The following SMOC2 variants were observed in gnomAD, a reference collection of about 807,000 sequenced individuals.
The protein encoded by SMOC2 is SPARC-related modular calcium-binding protein 2.
SMOC2 carries 39 observed loss-of-function variants against 61.4 expected under a neutral mutation model. That is an observed-to-expected ratio of 0.64 (90% CI 0.49 to 0.83). The LOEUF (loss-of-function observed/expected upper bound fraction) is 0.83, where lower values mean the gene tolerates loss of function less well. Ranked by LOEUF, SMOC2 falls within the 40% of genes least tolerant of loss-of-function variation. SMOC2 has a pLI of 0.00. For missense variants in SMOC2, 556 were observed against 592.9 expected, an observed-to-expected ratio of 0.94 and a Z score of 0.65; for synonymous variants, 247 against 239.9, an observed-to-expected ratio of 1.03 and a Z score of -0.27.
chr6:168,568,226 G>A (rs1411475720), intron 7 of SMOC2, among the ~76,000 whole-genome samples: 1 of 152,204 alleles, frequency 6.6e-6, no homozygotes, highest in Non-Finnish European at 1.5e-5. Context: ...GTGTGAGTCG[G>A]TGTCTCATAT....
chr6:168,601,797 A>G (rs1482529641), intron 8 of SMOC2, among the ~76,000 whole-genome samples: 1 of 152,178 alleles, frequency 6.6e-6, no homozygotes, highest in African/African-American at 2.4e-5. Flanking sequence ...GCCAACGTCC[A>G]CTATTGTGAT....
At chr6:168,664,514 GA>G (rs1787607666) in intron 12 of SMOC2, 1 of 389,242 alleles carries the variant, frequency 2.6e-6, no homozygotes, top group South Asian at 1.9e-5. Context: ...GTACCCGGCT[GA>G]ATTTTTTCAA....
intron 4 of SMOC2, among the ~76,000 whole-genome samples, chr6:168,538,833 G>A (rs538024161): frequency 5.6e-4 from 85 of 151,956 alleles, no homozygotes; most frequent in African/African-American, 2.0e-3. Context: ...GAATCTGGGG[G>A]AGTGGGGTGA....
intron 10 of SMOC2, among the ~76,000 whole-genome samples, chr6:168,652,021 A>G (rs1021151559): frequency 6.7e-6 from 1 of 149,728 alleles, no homozygotes; most frequent in Non-Finnish European, 1.5e-5. Flanking sequence ...AGCCAGGACA[A>G]CAAGAGCAAA....
intron 1 of SMOC2, among the ~76,000 whole-genome samples, chr6:168,507,628 C>T (rs992461119): frequency 1.3e-5 from 2 of 152,222 alleles, no homozygotes; most frequent in South Asian, 2.1e-4. Context: ...TCAGTCAATG[C>T]GTGTTGGTGA....
chr6:168,523,545 G>A lies in SMOC2; in HGVS notation c.257-2801G>A, dbSNP rs544573293. Reference sequence around the variant, plus strand: ...TGGGAACACAGGCGCCTGCCACCATGCCTGGCTAATTTTTTTTTTTATTAT... The same window carrying A: ...TGGGAACACAGGCGCCTGCCACCATACCTGGCTAATTTTTTTTTTTATTAT... On this transcript the variant is annotated intron_variant, in intron 2 of 12. Transcript: ENST00000356284. Among the ~76,000 whole-genome samples the A allele has an allele frequency of 9.2e-5, 11 of 119,278 alleles. No homozygotes were observed. The East Asian group carries it at 2.8e-3, about 30-fold the overall frequency. The allele number at this position is 119,278 out of a possible 152,430, so 78.3% of individuals were successfully genotyped here. A position where few individuals can be genotyped will look rare whatever the true frequency, so the allele number is the denominator to read the frequency against.
intron 10 of SMOC2, 112 bp downstream of exon 10, chr6:168,650,895 T>A: frequency 1.0e-6 from 1 of 957,638 alleles, no homozygotes; most frequent in Non-Finnish European, 1.5e-6. Flanking sequence ...TTGGACACAG[T>A]AGGGCCTTAA....
intron 9 of SMOC2, among the ~76,000 whole-genome samples, chr6:168,632,306 G>A (rs1046906309): frequency 6.6e-6 from 1 of 152,158 alleles, no homozygotes; most frequent in Non-Finnish European, 1.5e-5. Context: ...TATAGAACAA[G>A]TCATCAGAAC....
chr6:168,584,254 G>T (rs139168798), intron 7 of SMOC2, among the ~76,000 whole-genome samples: 2 of 152,156 alleles, frequency 1.3e-5, no homozygotes, highest in Non-Finnish European at 2.9e-5. Flanking sequence ...CTCCTCCTGC[G>T]GACTAGACTC....
chr6:168,560,270 C>T (rs1784370013), intron 7 of SMOC2, among the ~76,000 whole-genome samples: 1 of 152,160 alleles, frequency 6.6e-6, no homozygotes, highest in Non-Finnish European at 1.5e-5. Context: ...CAGAATACGT[C>T]ACGTCAGGCT....
chr6:168,576,431 C>G (rs1314341604), intron 7 of SMOC2, among the ~76,000 whole-genome samples: 1 of 152,116 alleles, frequency 6.6e-6, no homozygotes. Flanking sequence ...CATCGCAGAT[C>G]ACCTAGGCTC....
chr6:168,446,038 T>A (rs911427119), intron 1 of SMOC2, among the ~76,000 whole-genome samples: 1 of 152,146 alleles, frequency 6.6e-6, no homozygotes, highest in Non-Finnish European at 1.5e-5. Context: ...GGTTTGGAGG[T>A]CAAGGGTAAC....
chr6:168,555,576 C>T (rs746385742), intron 7 of SMOC2, among the ~76,000 whole-genome samples: 7 of 152,170 alleles, frequency 4.6e-5, no homozygotes, highest in Non-Finnish European at 8.8e-5. Context: ...ATGGCGTCCA[C>T]GGCCGCATGT....
rs561161879 is a variant in SMOC2, at chr6:168,551,487, T to C, written c.637+2284T>C. ...TATTTATTTTGAGAGAAAGTCTTGC[T>C]CTGTCACCCAGGCTGGCGAGCAGCA... On this transcript the variant is annotated intron_variant, in intron 7 of 12. Coordinates refer to ENST00000356284, the MANE Select transcript of SMOC2 (RefSeq NM_001166412.2). Among the ~76,000 whole-genome samples, 78 of 152,094 alleles carry C rather than the reference T, an allele frequency of 5.1e-4. No individual in the cohort carries two copies. In the South Asian group the frequency reaches 0.016, roughly 32 times the overall value.
chr6:168,605,935 T>C (rs1183254051), intron 8 of SMOC2, among the ~76,000 whole-genome samples: 1 of 152,196 alleles, frequency 6.6e-6, no homozygotes. Context: ...GACATTCGCC[T>C]GGCTTTTGGC....
At chr6:168,543,259 A>G (rs1310300476) in intron 4 of SMOC2, among the ~76,000 whole-genome samples, 1 of 152,214 alleles carries the variant, frequency 6.6e-6, no homozygotes, top group African/African-American at 2.4e-5. Context: ...TAATGTCTTA[A>G]GATTTTAAAA....
At chr6:168,477,847 C>T (rs1389241608) in intron 1 of SMOC2, among the ~76,000 whole-genome samples, 1 of 152,186 alleles carries the variant, frequency 6.6e-6, no homozygotes, top group African/African-American at 2.4e-5. Context: ...AAGTACAATT[C>T]TGCAGCACTG....
At chr6:168,659,552 GAGGATGGAGGTTGTAGGTTGAGTC>G (rs1787426218) in intron 11 of SMOC2, among the ~76,000 whole-genome samples, 2 of 137,874 alleles carry the variant, frequency 1.5e-5, no homozygotes, top group African/African-American at 2.7e-5. Flanking sequence ...TTGGCTGGGT[GAGGATGGAGGTTGTAGGTTGAGTC>G]AGGGTGGAGG....
intron 7 of SMOC2, among the ~76,000 whole-genome samples, chr6:168,551,261 C>T (rs962797032): frequency 6.6e-6 from 1 of 152,132 alleles, no homozygotes; most frequent in Non-Finnish European, 1.5e-5. Context: ...GTCCATTAAA[C>T]CTCTTTCGTT....
Sources: gnomAD v4.1 joint callset for allele counts (sites outside exome capture counted in the v4.1 genomes callset) on GRCh38, gnomAD v4.1.1 for gene constraint, MANE v1.5 for transcripts, NCBI Gene and HGNC (gene_info 2026-07-23, HGNC 2026-07-21) for gene names.